RRM1: variants seen among roughly 807,000 people sequenced by gnomAD.
The protein encoded by RRM1 is ribonucleoside-diphosphate reductase large subunit.
A neutral mutation model predicts 101.5 loss-of-function variants in RRM1; 19 were observed. The ratio of observed to expected loss-of-function variants is 0.19; its 90% CI spans 0.13 to 0.27. The LOEUF (loss-of-function observed/expected upper bound fraction) is 0.27. Ranked by LOEUF, RRM1 falls within the 10% of genes least tolerant of loss-of-function variation. The probability of loss-of-function intolerance (pLI) is 1.00; values close to 1 mark genes in which losing one functional copy is unlikely to be tolerated. For missense variants in RRM1, 500 were observed against 962.9 expected, an observed-to-expected ratio of 0.52 and a Z score of 6.36; for synonymous variants, 298 against 323.4, an observed-to-expected ratio of 0.92 and a Z score of 0.84.
chr11:4,134,179 C>T (rs1372178912), intron 17 of RRM1, among the ~76,000 whole-genome samples: 1 of 151,962 alleles, frequency 6.6e-6, no homozygotes, highest in African/African-American at 2.4e-5. Context: ...GACAGGGTTT[C>T]ACCATATTGG....
At chr11:4,104,910 A>T (rs1023649689) in intron 2 of RRM1, among the ~76,000 whole-genome samples, 2 of 152,184 alleles carry the variant, frequency 1.3e-5, no homozygotes, top group Admixed American at 6.5e-5. Context: ...CTTATGTGGA[A>T]TTTGGGAAAA....
chr11:4,104,892 G>T (rs1240473656), intron 2 of RRM1, among the ~76,000 whole-genome samples: 1 of 152,076 alleles, frequency 6.6e-6, no homozygotes, highest in Non-Finnish European at 1.5e-5. Flanking sequence ...TTGCTTTTCT[G>T]TACTTACCTT....
In RRM1 at chr11:4,132,241, G is replaced by C. The variant is rs1435112657; in HGVS notation, c.1770-45G>C. The C allele has an allele frequency of 1.2e-6, 2 of 1,606,328 alleles. No homozygotes were observed. The highest frequency in any genetic ancestry group is 1.7e-6 in the Non-Finnish European group (2 of 1,173,806). On this transcript the variant is annotated intron_variant, in intron 15 of 18. Coordinates refer to ENST00000300738, the MANE Select transcript of RRM1 (RefSeq NM_001033.5). The surrounding 1 kb of genome is among the most constrained non-coding windows in gnomAD (Gnocchi z 4.1). ...ACTTAAAGTAGCTGCTTTCCTGGCA[G>C]ATTGTAGCTTTGGGACTAGTACCTG...
chr11:4,103,485 A>G (rs768172671), intron 2 of RRM1, among the ~76,000 whole-genome samples: 4 of 152,060 alleles, frequency 2.6e-5, no homozygotes, highest in Non-Finnish European at 5.9e-5. Flanking sequence ...TACATGTTCT[A>G]TTGCCTCATG....
chr11:4,112,672 AT>A (rs1565182532), intron 7 of RRM1, among the ~76,000 whole-genome samples: 1 of 152,218 alleles, frequency 6.6e-6, no homozygotes, highest in Non-Finnish European at 1.5e-5. Flanking sequence ...TGTGAATTAT[AT>A]TTCAATAAGG....
In RRM1 at chr11:4,096,048, CAG is replaced by C. The variant is rs1183955854; in HGVS notation, c.19+1020_19+1021del. On this transcript the variant is annotated intron_variant, in intron 1 of 18. Coordinates refer to ENST00000300738, the MANE Select transcript of RRM1 (RefSeq NM_001033.5). ...TTCAAAGATGGAGACTTGTTTGAGA[CAG>C]AGTCTTGCTCTGTCACCCAGGATGG... 5.3e-5 allele frequency among the ~76,000 whole-genome samples: 8 copies of C among 152,296 alleles called. No individual in the cohort carries two copies. In the East Asian group the frequency reaches 1.4e-3, roughly 26 times the overall value.
At chr11:4,107,324 G>A (rs2094559650) in intron 3 of RRM1, 111 bp from the exon 4 acceptor site, 12 of 705,014 alleles carry the variant, frequency 1.7e-5, no homozygotes, top group Admixed American at 1.3e-4. Context: ...GCATTGAGGT[G>A]GGTTGAGATG....
At chr11:4,107,325 G>C in intron 3 of RRM1, 110 bp from the exon 4 acceptor site, 1 of 711,116 alleles carries the variant, frequency 1.4e-6, no homozygotes, top group Non-Finnish European at 2.5e-6. Flanking sequence ...CATTGAGGTG[G>C]GTTGAGATGA....
In RRM1 at chr11:4,127,101, A is replaced by G. The variant is rs748152629; in HGVS notation, c.1537A>G (p.Ile513Val). 2 of 1,614,194 alleles carry G rather than the reference A, an allele frequency of 1.2e-6. No homozygotes were observed. The highest frequency in any genetic ancestry group is 1.3e-5 in the African/African-American group (1 of 75,052). ...GGTACAAGGTCTGGCAGATGCTTTTATCCTGATGAGATACCCTTTTGAGAG... is the reference window on the plus strand; with the variant it reads ...GGTACAAGGTCTGGCAGATGCTTTTGTCCTGATGAGATACCCTTTTGAGAG... Reference protein sequence around the residue: ...IGVQGLADAFILMRYPFESAE... With the variant: ...IGVQGLADAFVLMRYPFESAE... The change falls in exon 14 of 19, where the codon ATC becomes GTC. Residue 513 changes from isoleucine to valine, a missense_variant. Ile to Val is a conservative substitution (Grantham distance 29). Transcript: ENST00000300738.
At chr11:4,131,854 A>G (rs2094601053) in intron 15 of RRM1, among the ~76,000 whole-genome samples, 1 of 152,242 alleles carries the variant, frequency 6.6e-6, no homozygotes, top group South Asian at 2.1e-4. Context: ...GGGGCCTAGC[A>G]CAATGATTTT....
chr11:4,095,883 A>G (rs2094542927), intron 1 of RRM1, among the ~76,000 whole-genome samples: 1 of 152,224 alleles, frequency 6.6e-6, no homozygotes, highest in Non-Finnish European at 1.5e-5. Flanking sequence ...TAACAACCGC[A>G]TGAGATACGT....
At chr11:4,099,963 A>C (rs1363920652) in intron 1 of RRM1, among the ~76,000 whole-genome samples, 1 of 151,264 alleles carries the variant, frequency 6.6e-6, no homozygotes, top group Non-Finnish European at 1.5e-5. Context: ...CTGCATGTAT[A>C]ATTGCAGAAC....
chr11:4,134,472 GA>G (rs1225290739), intron 17 of RRM1, among the ~76,000 whole-genome samples: 3 of 152,212 alleles, frequency 2.0e-5, no homozygotes, highest in Admixed American at 6.5e-5. Flanking sequence ...TTTGCAGATA[GA>G]GGTGTCTGGC....
At chr11:4,095,132 G>A (rs1168150638) in intron 1 of RRM1, 101 bp downstream of exon 1, 2 of 1,201,264 alleles carry the variant, frequency 1.7e-6, no homozygotes, top group East Asian at 3.8e-5. Context: ...GCTGCTTCCC[G>A]CCTTTCCCGC....
At position 4,132,387 on chromosome 11, in the gene RRM1, T is replaced by C; in HGVS notation, c.1871T>C (p.Ile624Thr). 1 of 1,614,110 alleles carries C rather than the reference T, an allele frequency of 6.2e-7. No homozygotes were observed. Among genetic ancestry groups the C allele is most frequent in the Non-Finnish European group, 8.5e-7 (1 of 1,179,998 alleles). The part of the protein sequence containing the change: ...NESIEPYTSN[I>T]YTRRVLSGEF... ...TCCATTGAACCTTACACCAGCAACA[T>C]CTATACTCGCAGAGTCTTGTCAGGA... Residue 624 changes from isoleucine to threonine, a missense_variant, in exon 16 of 19, where the codon ATC (isoleucine) becomes ACC (threonine). By Grantham distance (89) the Ile-to-Thr change is moderately conservative (BLOSUM62 -1). Transcript: ENST00000300738. This position sits in a 1 kb window ranked among gnomAD's most constrained non-coding sequence, Gnocchi z 4.1.
At chr11:4,131,232 A>C (rs2094599644) in intron 15 of RRM1, among the ~76,000 whole-genome samples, 1 of 152,184 alleles carries the variant, frequency 6.6e-6, no homozygotes, top group Admixed American at 6.5e-5. Flanking sequence ...ATAAAACCAG[A>C]TCTTGTGAGA....
At chr11:4,098,683 G>A (rs752357995) in intron 1 of RRM1, among the ~76,000 whole-genome samples, 2 of 152,172 alleles carry the variant, frequency 1.3e-5, no homozygotes, top group Non-Finnish European at 2.9e-5. Context: ...ACCTCTTTGT[G>A]CTAGGAACCG....
At chr11:4,128,696 T>C (rs563616359) in intron 14 of RRM1, among the ~76,000 whole-genome samples, 2 of 152,360 alleles carry the variant, frequency 1.3e-5, no homozygotes, top group South Asian at 4.1e-4. Flanking sequence ...TTAGAAAATC[T>C]AATGTGTGGT....
intron 2 of RRM1, chr11:4,105,773 C>T (rs528588601): frequency 2.4e-6 from 1 of 413,162 alleles, no homozygotes; most frequent in Non-Finnish European, 4.5e-6. Context: ...CTAGCTTGCC[C>T]AGGCTGGTCT....
Sources: gnomAD v4.1 joint callset for allele counts (sites outside exome capture counted in the v4.1 genomes callset) on GRCh38, gnomAD v4.1.1 for gene constraint, Gnocchi (gnomAD v3.1) non-coding constraint, MANE v1.5 for transcripts, NCBI Gene and HGNC (gene_info 2026-07-23, HGNC 2026-07-21) for gene names.